Variants in MGAT4C observed in about 807,000 individuals in gnomAD.
MGAT4C encodes alpha-1,3-mannosyl-glycoprotein 4-beta-N-acetylglucosaminyltransferase C.
Under a neutral mutation model 40.1 loss-of-function variants are expected in MGAT4C, and 19 were observed. That is an observed-to-expected ratio of 0.47 (90% CI 0.33 to 0.70). MGAT4C has a LOEUF of 0.70. Among genes scored for constraint, MGAT4C ranks in the 30% least tolerant of loss-of-function variants. The pLI is 0.02. For missense variants in MGAT4C, 491 were observed against 563.2 expected, an observed-to-expected ratio of 0.87 and a Z score of 1.30; for synonymous variants, 181 against 187.1, an observed-to-expected ratio of 0.97 and a Z score of 0.27.
chr12:86,260,553 T>A (rs1952636940), upstream of MGAT4C, among the ~76,000 whole-genome samples: 3 of 152,138 alleles, frequency 2.0e-5, no homozygotes, highest in East Asian at 3.9e-4. Context: ...ATTATTTTCA[T>A]AGTAAGGTGT....
intron 1 of MGAT4C, among the ~76,000 whole-genome samples, chr12:86,236,182 C>G (rs921144178): frequency 2.6e-5 from 4 of 151,912 alleles, no homozygotes; most frequent in African/African-American, 9.7e-5. Context: ...AGGAAAGGTA[C>G]AGTCTAATAT....
At chr12:86,698,041 G>A (rs1026273330) in intron 2 of MGAT4C, among the ~76,000 whole-genome samples, 1 of 151,928 alleles carries the variant, frequency 6.6e-6, no homozygotes, top group Non-Finnish European at 1.5e-5. Context: ...CCAGCATGTG[G>A]CAATAATGCG....
intron 2 of MGAT4C, among the ~76,000 whole-genome samples, chr12:86,507,814 T>A (rs955975368): frequency 1.3e-5 from 2 of 152,278 alleles, no homozygotes; most frequent in East Asian, 3.9e-4. Flanking sequence ...ATTCTAGTTT[T>A]AAAATATATT....
At chr12:86,201,828 C>T (rs1178667618) in intron 1 of MGAT4C, among the ~76,000 whole-genome samples, 1 of 151,968 alleles carries the variant, frequency 6.6e-6, no homozygotes, top group African/African-American at 2.4e-5. Context: ...CCATTTCTCC[C>T]AGAAATGGTT....
chr12:86,460,961 C>T (rs879417608), intron 2 of MGAT4C, among the ~76,000 whole-genome samples: 5 of 152,040 alleles, frequency 3.3e-5, no homozygotes, highest in Non-Finnish European at 5.9e-5. Context: ...TAACACAATG[C>T]AAGAGTTTTA....
At position 86,535,627 on chromosome 12, in the gene MGAT4C, T is replaced by C. The variant is rs542009133; in HGVS notation, c.-228-100362A>G. 4.6e-5 allele frequency among the ~76,000 whole-genome samples: 7 copies of C among 152,218 alleles called. No homozygotes were observed. The South Asian group carries it at 1.5e-3, about 32-fold the overall frequency. ...GAGTTTTAGTTAGTGATACATTATA[T>C]AATGAGAAACCTCCTTCAACAGGAC... is the stretch of plus-strand genomic sequence containing the variant. On this transcript the variant is annotated intron_variant, in intron 2 of 7. Transcript: ENST00000548651.
chr12:86,060,855 G>C (rs1204372402), intron 1 of MGAT4C, among the ~76,000 whole-genome samples: 1 of 152,114 alleles, frequency 6.6e-6, no homozygotes, highest in Non-Finnish European at 1.5e-5. Flanking sequence ...GTGCTCCTGG[G>C]GGACTGAGCT....
intron 3 of MGAT4C, among the ~76,000 whole-genome samples, chr12:86,406,474 T>G (rs1460068774): frequency 6.6e-6 from 1 of 152,034 alleles, no homozygotes; most frequent in Non-Finnish European, 1.5e-5. Context: ...AAATCGCAAG[T>G]AAGCACATGA....
intron 1 of MGAT4C, among the ~76,000 whole-genome samples, chr12:86,763,389 C>G (rs949504280): frequency 9.2e-5 from 14 of 152,076 alleles, no homozygotes; most frequent in African/African-American, 3.4e-4. Flanking sequence ...TTACTGCAAC[C>G]GTACCTAAAC....
At chr12:86,130,114 T>G (rs557171320) in intron 1 of MGAT4C, among the ~76,000 whole-genome samples, 5 of 152,334 alleles carry the variant, frequency 3.3e-5, no homozygotes, top group Admixed American at 2.6e-4. Context: ...ATAAATGATT[T>G]TGTTTTATTT....
At chr12:86,587,251 T>C (rs1446423321) in intron 2 of MGAT4C, among the ~76,000 whole-genome samples, 2 of 152,000 alleles carry the variant, frequency 1.3e-5, no homozygotes, top group African/African-American at 4.8e-5. Context: ...TTGTCAAAGA[T>C]CAGATAGTTG....
intron 2 of MGAT4C, among the ~76,000 whole-genome samples, chr12:86,612,478 G>A (rs544095193): frequency 2.0e-5 from 3 of 152,110 alleles, no homozygotes; most frequent in East Asian, 1.9e-4. Context: ...GGCCAGGCGC[G>A]GTGGCTCAAG....
intron 3 of MGAT4C, among the ~76,000 whole-genome samples, chr12:86,359,211 CTGCTCCTGAAGGACTACTGGGTACCTAA>C (rs1388416227): frequency 5.3e-5 from 8 of 152,162 alleles, no homozygotes; most frequent in Non-Finnish European, 5.9e-5. Context: ...ACTGAACAAC[CTGCTCCTGAAGGACTACTGGGTACCTAA>C]TGAAATGAAG....
At chr12:86,658,818 G>T (rs1963909208) in intron 2 of MGAT4C, among the ~76,000 whole-genome samples, 1 of 150,986 alleles carries the variant, frequency 6.6e-6, no homozygotes. Context: ...CATGTGACTT[G>T]TGTTTTCCAA....
chr12:86,779,249 T>C (rs1459263625), intron 1 of MGAT4C, among the ~76,000 whole-genome samples: 1 of 152,074 alleles, frequency 6.6e-6, no homozygotes, highest in Admixed American at 6.6e-5. Flanking sequence ...AATTGAGGTA[T>C]GGCCCAGGTT....
intron 1 of MGAT4C, among the ~76,000 whole-genome samples, chr12:86,187,521 A>G (rs1391278010): frequency 6.6e-6 from 1 of 152,014 alleles, no homozygotes; most frequent in Non-Finnish European, 1.5e-5. Context: ...TTGGTATAAT[A>G]GTTTTTAGAT....
intron 2 of MGAT4C, among the ~76,000 whole-genome samples, chr12:86,559,299 G>A (rs1435130913): frequency 6.6e-6 from 1 of 151,890 alleles, no homozygotes; most frequent in Non-Finnish European, 1.5e-5. Flanking sequence ...GCTTTAAACT[G>A]CATTTTACAA....
chr12:86,686,369 C>A (rs1393154648), intron 2 of MGAT4C, among the ~76,000 whole-genome samples: 3 of 152,100 alleles, frequency 2.0e-5, no homozygotes, highest in Non-Finnish European at 4.4e-5. Context: ...ACTTCCAATA[C>A]TATGTTGAAT....
At chr12:86,298,499 C>T (rs1299340376) in intron 4 of MGAT4C, among the ~76,000 whole-genome samples, 1 of 151,908 alleles carries the variant, frequency 6.6e-6, no homozygotes, top group East Asian at 1.9e-4. Context: ...TTCTAGAATT[C>T]TGTCATAAAG....
Sources: allele counts gnomAD v4.1 joint callset (sites outside exome capture counted in the v4.1 genomes callset), GRCh38; gene constraint gnomAD v4.1.1; transcripts MANE v1.5; gene names NCBI Gene and HGNC (gene_info 2026-07-23, HGNC 2026-07-21).